Variants in PCDHGC3 observed in about 807,000 individuals in gnomAD.
PCDHGC3 encodes protocadherin gamma subfamily C, 3.
PCDHGC3 carries 26 observed loss-of-function variants against 59.2 expected under a neutral mutation model. The ratio of observed to expected loss-of-function variants is 0.44; its 90% CI spans 0.32 to 0.61. The LOEUF (loss-of-function observed/expected upper bound fraction) is 0.61. Ranked by LOEUF, PCDHGC3 falls within the 20% of genes least tolerant of loss-of-function variation. PCDHGC3 has a pLI of 0.05. For missense variants in PCDHGC3, 1,080 were observed against 1,221.8 expected (o/e 0.88, Z 1.73); for synonymous variants, 487 against 519.7 (o/e 0.94, Z 0.86).
rs1004089667 is a variant in PCDHGC3, at chr5:141,497,399, C to G, written c.2489+2534C>G. The stretch of plus-strand genomic sequence containing the variant: ...TGGGGTGAGCACCTTACCCCTGCCT[C>G]AACTCCCATTCCATCAAATGAGAGG... On this transcript the variant is annotated intron_variant, in intron 2 of 3. Coordinates refer to ENST00000308177, the MANE Select transcript of PCDHGC3 (RefSeq NM_002588.4). Among the ~76,000 whole-genome samples the G allele has an allele frequency of 5.9e-5, 9 of 152,146 alleles. 1 individual carries two copies. The highest frequency in any genetic ancestry group is 1.2e-4 in the Non-Finnish European group (8 of 68,034).
chr5:141,477,671 G>A lies in PCDHGC3; in HGVS notation c.1555G>A (p.Val519Met), dbSNP rs1022028453. The A allele has an allele frequency of 1.2e-6, 2 of 1,614,198 alleles. No individual in the cohort carries two copies. Among genetic ancestry groups the A allele is most frequent in the Non-Finnish European group, 1.7e-6 (2 of 1,180,048 alleles). Reference sequence around the variant, plus strand: ...CACAATAAATCGTGACAATGGCATAGTGTCATCCTTAGTGCCCCTAGACTA... The same window carrying A: ...CACAATAAATCGTGACAATGGCATAATGTCATCCTTAGTGCCCCTAGACTA... ...YFTINRDNGI[V>M]SSLVPLDYED... The change falls in exon 1 of 4, where the codon GTG becomes ATG. Residue 519 changes from valine to methionine, a missense_variant. Coordinates refer to ENST00000308177, the MANE Select transcript of PCDHGC3 (RefSeq NM_002588.4). This position sits in a 1 kb window ranked among gnomAD's most constrained non-coding sequence, Gnocchi z 4.9.
In PCDHGC3 at chr5:141,511,028, T is replaced by G. The variant is rs1279056657; in HGVS notation, c.2660T>G (p.Leu887Arg). The G allele has an allele frequency of 3.7e-6, 6 of 1,614,084 alleles. No individual in the cohort carries two copies. The highest frequency in any genetic ancestry group is 1.7e-5 in the Admixed American group (1 of 60,004). ...LSARYGPQFT[L>R]QHVPDYRQNV... is the part of the protein sequence containing the mutation. The stretch of plus-strand genomic sequence containing the variant: ...GCCCGCTACGGACCCCAGTTCACCC[T>G]GCAGCACGTGCCCGACTACCGCCAG... Residue 887 changes from leucine to arginine, a missense_variant, in exon 4 of 4, where the codon CTG becomes CGG. Physicochemically the swap from Leu to Arg is moderately radical, Grantham distance 102. Transcript: ENST00000308177.
At position 141,489,749 on chromosome 5, in the gene PCDHGC3, AC is replaced by A; in HGVS notation, c.2431-5057del. ...GTGGGCACCAATACTGTGAGCTTTT[AC>A]ACTCTAAGCCCCAACAGCCACTTCT... is the stretch of plus-strand genomic sequence containing the variant. On this transcript the variant is annotated intron_variant, in intron 1 of 3. Transcript: ENST00000308177. The surrounding 1 kb of genome is among the most constrained non-coding windows in gnomAD (Gnocchi z 4.5). 6.2e-7 allele frequency: 1 copy of A among 1,614,126 alleles called. No individual in the cohort carries two copies. Among genetic ancestry groups the A allele is most frequent in the Non-Finnish European group, 8.5e-7 (1 of 1,180,002 alleles).
Position 141,493,022 on chromosome 5 carries a change from G to C in PCDHGC3, c.2431-1785G>C, listed in dbSNP as rs1184742888. On this transcript the variant is annotated intron_variant, in intron 1 of 3. Transcript: ENST00000308177. This position sits in a 1 kb window ranked among gnomAD's most constrained non-coding sequence, Gnocchi z 4.3. Reference sequence around the variant, plus strand: ...GCTATAGGCTCTGCCAGATGCCAGGGTGCCCTTATGTGTGAGGAAACTACA... The same window carrying C: ...GCTATAGGCTCTGCCAGATGCCAGGCTGCCCTTATGTGTGAGGAAACTACA... Among the ~76,000 whole-genome samples the C allele has an allele frequency of 6.6e-6, 1 of 152,222 alleles. No individual in the cohort carries two copies. Among genetic ancestry groups the C allele is most frequent in the Non-Finnish European group, 1.5e-5 (1 of 68,040 alleles).
intron 1 of PCDHGC3, among the ~76,000 whole-genome samples, chr5:141,492,409 C>A (rs1367119266): frequency 6.6e-6 from 1 of 152,230 alleles, no homozygotes; most frequent in Non-Finnish European, 1.5e-5. Flanking sequence ...TCCCCTCTGC[C>A]GCTCCCTCCG....
At position 141,486,266 on chromosome 5, in the gene PCDHGC3, C is replaced by A; in HGVS notation, c.2430+7720C>A. On this transcript the variant is annotated intron_variant, in intron 1 of 3. Coordinates refer to ENST00000308177, the MANE Select transcript of PCDHGC3 (RefSeq NM_002588.4). The surrounding 1 kb of genome is among the most constrained non-coding windows in gnomAD (Gnocchi z 5.0). ...TGGAACCCTCCCCGAGAGTGCAGAA[C>A]CTGGCACTGTGGTGGCACTTATCAG... The A allele has an allele frequency of 1.9e-6, 3 of 1,614,098 alleles. No homozygotes were observed. Among genetic ancestry groups the A allele is most frequent in the Admixed American group, 3.3e-5 (2 of 60,016 alleles).
At chr5:141,500,256 T>C (rs1045685908) in intron 2 of PCDHGC3, among the ~76,000 whole-genome samples, 1 of 151,676 alleles carries the variant, frequency 6.6e-6, no homozygotes, top group Non-Finnish European at 1.5e-5. Flanking sequence ...TCACCCAGGC[T>C]GGACTGCAGT....
At chr5:141,500,369 C>T (rs1034629981) in intron 2 of PCDHGC3, among the ~76,000 whole-genome samples, 4 of 151,866 alleles carry the variant, frequency 2.6e-5, no homozygotes, top group Admixed American at 6.6e-5. Flanking sequence ...CTACCACGCC[C>T]GGCTAATTAT....
chr5:141,479,490 G>A (rs1334340000), intron 1 of PCDHGC3: 1 of 152,248 alleles, frequency 6.6e-6, no homozygotes, highest in Non-Finnish European at 1.5e-5. Context: ...AGGACCATCA[G>A]GTTGCCTAAA....
At position 141,512,903 on chromosome 5, in the gene PCDHGC3, CAA is replaced by C. The variant is rs2099884494; in HGVS notation, c.*1731_*1732del. The C allele has an allele frequency of 6.6e-6, 1 of 152,224 alleles. No individual in the cohort carries two copies. Among genetic ancestry groups the C allele is most frequent in the African/African-American group, 2.4e-5 (1 of 41,452 alleles). 9.4% of individuals were successfully genotyped at this position (152,224 alleles called of 1,614,324 possible). On this transcript the variant is annotated 3_prime_UTR_variant, in exon 4 of 4. Transcript: ENST00000308177. ...CCCCACCCTCTTCCTGTGTCTCACG[CAA>C]GTTTTATACTCTAATATTTATATGG...
rs143530538 is a variant in PCDHGC3 at position 141,490,323 on chromosome 5, G to A, written c.2431-4484G>A. 18 of 1,614,102 alleles carry A rather than the reference G, an allele frequency of 1.1e-5. No individual in the cohort carries two copies. Among genetic ancestry groups the A allele is most frequent in the Non-Finnish European group, 1.4e-5 (17 of 1,180,056 alleles). ...CCTCTTTGGCCAACCCTGTCCTAGA[G>A]AGCACACCAGTGGGCACAGTAGTGG... On this transcript the variant is annotated intron_variant, in intron 1 of 3. Transcript: ENST00000308177. This position sits in a 1 kb window ranked among gnomAD's most constrained non-coding sequence, Gnocchi z 5.4.
chr5:141,501,945 T>C (rs1318749969), intron 2 of PCDHGC3, among the ~76,000 whole-genome samples: 1 of 152,106 alleles, frequency 6.6e-6, no homozygotes, highest in Non-Finnish European at 1.5e-5. Context: ...CACTGCTCCC[T>C]GTGACAGGTC....
Position 141,478,407 on chromosome 5 carries a change from C to T in PCDHGC3, c.2291C>T (p.Thr764Met). The change falls in exon 1 of 4, where the codon ACG becomes ATG. Residue 764 changes from threonine (T) to methionine (M), a missense_variant. By Grantham distance (81) the Thr-to-Met change is moderately conservative (BLOSUM62 -1). Coordinates refer to ENST00000308177, the MANE Select transcript of PCDHGC3 (RefSeq NM_002588.4). The stretch of plus-strand genomic sequence containing the variant: ...CTTTACCATCAGGTGTATCTCACCA[C>T]GGACTCCCGCCGCAGCGACCCGCTG... ...PHLYHQVYLT[T>M]DSRRSDPLLK... 1.9e-6 allele frequency: 3 copies of T among 1,613,272 alleles called. No individual in the cohort carries two copies. The highest frequency in any genetic ancestry group is 1.3e-5 in the African/African-American group (1 of 75,072).
chr5:141,484,375 G>C (rs188702244), intron 1 of PCDHGC3, among the ~76,000 whole-genome samples: 2 of 152,258 alleles, frequency 1.3e-5, no homozygotes, highest in African/African-American at 4.8e-5. Flanking sequence ...ACTAGCAAAT[G>C]TCTGAATAAG....
intron 1 of PCDHGC3, among the ~76,000 whole-genome samples, chr5:141,480,730 G>T (rs1261461187): frequency 6.6e-6 from 1 of 152,168 alleles, no homozygotes; most frequent in Non-Finnish European, 1.5e-5. Flanking sequence ...GTCTCTGGGG[G>T]TGGGACATAG....
chr5:141,485,826 G>A lies in PCDHGC3; in HGVS notation c.2430+7280G>A. The A allele has an allele frequency of 6.2e-7, 1 of 1,614,070 alleles. No individual in the cohort carries two copies. Among genetic ancestry groups the A allele is most frequent in the South Asian group, 1.1e-5 (1 of 91,078 alleles). Reference sequence around the variant, plus strand: ...CTGGTGCTGACTGCTGTCGATGGAGGGAACCCGCCGAGATCTGGCACCGCA... The same window carrying A: ...CTGGTGCTGACTGCTGTCGATGGAGAGAACCCGCCGAGATCTGGCACCGCA... On this transcript the variant is annotated intron_variant, in intron 1 of 3. Transcript: ENST00000308177. The surrounding 1 kb of genome is among the most constrained non-coding windows in gnomAD (Gnocchi z 5.7).
Position 141,494,803 on chromosome 5 carries a change from A to G in PCDHGC3, c.2431-4A>G. On this transcript the variant is annotated splice_polypyrimidine_tract_variant and splice_region_variant and intron_variant, in intron 1 of 3. Transcript: ENST00000308177. ...CAGCCCCTTTCCCTCTGTTTTCTCC[A>G]CAGCAAGCCCCGCCCAACACGGACT... The G allele has an allele frequency of 6.2e-7, 1 of 1,613,646 alleles. No individual in the cohort carries two copies. Among genetic ancestry groups the G allele is most frequent in the Non-Finnish European group, 8.5e-7 (1 of 1,179,900 alleles).
chr5:141,477,379 A>C lies in PCDHGC3; in HGVS notation c.1263A>C (p.Pro421=), dbSNP rs1293075706. ...TSADLDRETV[P]EYNLSITARD... The stretch of plus-strand genomic sequence containing the variant: ...CAGACCTGGATCGGGAGACTGTGCC[A>C]GAATACAACCTCAGCATCACCGCCC... The change falls in exon 1 of 4, where the codon CCA becomes CCC. Residue 421 remains proline, a synonymous_variant. Transcript: ENST00000308177. This position sits in a 1 kb window ranked among gnomAD's most constrained non-coding sequence, Gnocchi z 4.9. 2 of 1,614,184 alleles carry C rather than the reference A, an allele frequency of 1.2e-6. No homozygotes were observed. Among genetic ancestry groups the C allele is most frequent in the Non-Finnish European group, 1.7e-6 (2 of 1,180,034 alleles).
Position 141,511,250 on chromosome 5 carries a change from CAG to C in PCDHGC3, c.*80_*81del. 2 of 1,571,674 alleles carry C rather than the reference CAG, an allele frequency of 1.3e-6. No homozygotes were observed. Among genetic ancestry groups the C allele is most frequent in the Non-Finnish European group, 1.7e-6 (2 of 1,158,794 alleles). On this transcript the variant is annotated 3_prime_UTR_variant, in exon 4 of 4. Transcript: ENST00000308177. ...CTTCTCCTTACCTGCACCCAGGCCT[CAG>C]AGTTTCAGGGCTAACCCCCAGAATA...
Sources: allele counts gnomAD v4.1 joint callset (sites outside exome capture counted in the v4.1 genomes callset), GRCh38; gene constraint gnomAD v4.1.1; non-coding constraint Gnocchi (gnomAD v3.1); transcripts MANE v1.5; gene names NCBI Gene and HGNC (gene_info 2026-07-23, HGNC 2026-07-21).